Variants in KANSL1L observed in about 807,000 individuals in gnomAD.
KANSL1L encodes the protein KAT8 regulatory NSL complex subunit 1 like.
A neutral mutation model predicts 108.6 loss-of-function variants in KANSL1L; 25 were observed. The observed-to-expected ratio is 0.23, with a 90% confidence interval of 0.17 to 0.32. The LOEUF (loss-of-function observed/expected upper bound fraction) is 0.32, where lower values mean the gene tolerates loss of function less well. KANSL1L is among the 10% of genes least tolerant of loss of function. KANSL1L has a pLI of 1.00. For synonymous variants in KANSL1L, 405 were observed against 395.1 expected (o/e 1.03, Z -0.30); for missense variants, 1,137 against 1,125.7 (o/e 1.01, Z -0.14).
At chr2:210,034,062 A>G (rs1370207165) in intron 8 of KANSL1L, among the ~76,000 whole-genome samples, 1 of 152,074 alleles carries the variant, frequency 6.6e-6, no homozygotes, top group Non-Finnish European at 1.5e-5. Flanking sequence ...ACACTTTCAT[A>G]GCATTTCTCA....
At chr2:210,045,176 C>T (rs1293580100) in intron 6 of KANSL1L, among the ~76,000 whole-genome samples, 1 of 152,060 alleles carries the variant, frequency 6.6e-6, no homozygotes, top group East Asian at 1.9e-4. Flanking sequence ...AGTAACTGGA[C>T]TTGTTCACTT....
intron 2 of KANSL1L, among the ~76,000 whole-genome samples, chr2:210,147,727 A>G (rs2095275228): frequency 6.6e-6 from 1 of 152,214 alleles, no homozygotes; most frequent in Admixed American, 6.5e-5. Flanking sequence ...CAAACTCCAC[A>G]TTATACAAAT....
chr2:210,107,266 A>C (rs2094856140), intron 3 of KANSL1L, among the ~76,000 whole-genome samples: 1 of 152,028 alleles, frequency 6.6e-6, no homozygotes, highest in Non-Finnish European at 1.5e-5. Flanking sequence ...CACAAAAGGT[A>C]CAATTTAAAA....
At chr2:210,109,610 T>G (rs2094884990) in intron 3 of KANSL1L, among the ~76,000 whole-genome samples, 1 of 152,146 alleles carries the variant, frequency 6.6e-6, no homozygotes, top group South Asian at 2.1e-4. Context: ...AGAATATATG[T>G]CAGCTATTGG....
intron 7 of KANSL1L, 150 bp from the exon 8 acceptor site, chr2:210,040,677 A>T (rs1324182317): frequency 2.1e-6 from 1 of 485,282 alleles, no homozygotes; most frequent in Non-Finnish European, 3.7e-6. Flanking sequence ...AACTATCGGA[A>T]GTGACAAAAT....
rs2095321183 is a variant in KANSL1L, at chr2:210,154,254, T to C, written c.329A>G (p.Lys110Arg). Residue 110 changes from lysine to arginine, a missense_variant, in exon 2 of 15, where the codon AAA (lysine) becomes AGA (arginine). This residue lies in a region of KANSL1L where 556 missense variants were observed against 537.7 expected (regional missense o/e 1.03). Coordinates refer to ENST00000281772, the MANE Select transcript of KANSL1L (RefSeq NM_152519.4). Reference protein sequence around the residue: ...KLGEPSCNKLKNILYNGSNIQ... With the variant: ...KLGEPSCNKLRNILYNGSNIQ... ...GTTGCTGCCATTATACAGTATGTTT[T>C]TCAGCTTATTGCAACTGGGCTCCCC... The C allele has an allele frequency of 6.2e-7, 1 of 1,613,976 alleles. No individual in the cohort carries two copies. The highest frequency in any genetic ancestry group is 8.5e-7 in the Non-Finnish European group (1 of 1,180,002).
intron 3 of KANSL1L, among the ~76,000 whole-genome samples, chr2:210,118,490 A>C (rs1328493930): frequency 6.6e-6 from 1 of 150,930 alleles, no homozygotes; most frequent in Non-Finnish European, 1.5e-5. Flanking sequence ...AAAAAAAAAA[A>C]CAGAAGAAAA....
At position 210,109,787 on chromosome 2, in the gene KANSL1L, CTTGGTAATATAAATTTAAAATTTATA is replaced by C. The variant is rs1306114542; in HGVS notation, c.1231-5512_1231-5487del. Among the ~76,000 whole-genome samples the C allele has an allele frequency of 6.6e-5, 10 of 151,786 alleles. No individual in the cohort carries two copies. In the South Asian group the frequency reaches 2.1e-3, roughly 32 times the overall value. ...TGCTTCTTTCTTTTATATTACCTTC[CTTGGTAATATAAATTTAAAATTTATA>C]TTGGTAATATAAATATAAATATAAA... On this transcript the variant is annotated intron_variant, in intron 3 of 14. Coordinates refer to ENST00000281772, the MANE Select transcript of KANSL1L (RefSeq NM_152519.4).
rs534536542 is a variant in KANSL1L at position 210,148,141 on chromosome 2, A to AT, written c.1088+5353dup. On this transcript the variant is annotated intron_variant, in intron 2 of 14. Transcript: ENST00000281772. ...CTGACCAATTTAGGGAAATAGTGGG[A>AT]TTTTTTTTCCCCAACATTTGAAACA... Among the ~76,000 whole-genome samples the AT allele has an allele frequency of 2.2e-4, 34 of 152,052 alleles. 1 individual carries two copies. In the South Asian group the frequency reaches 5.0e-3, roughly 22 times the overall value.
At chr2:210,087,201 T>G (rs1411873633) in intron 5 of KANSL1L, among the ~76,000 whole-genome samples, 1 of 151,952 alleles carries the variant, frequency 6.6e-6, no homozygotes, top group African/African-American at 2.4e-5. Flanking sequence ...ACTTTTTTAA[T>G]TTTTGTAGAC....
At chr2:210,097,528 G>A (rs1055514643) in intron 5 of KANSL1L, 1 of 157,104 alleles carries the variant, frequency 6.4e-6, no homozygotes, top group Non-Finnish European at 1.4e-5. Context: ...AACAAATGCT[G>A]TTCCCAAAAA....
intron 4 of KANSL1L, among the ~76,000 whole-genome samples, chr2:210,099,004 C>A (rs866293901): frequency 2.6e-5 from 4 of 151,968 alleles, no homozygotes; most frequent in Non-Finnish European, 5.9e-5. Context: ...TTCATTACAC[C>A]TGTAATCCAC....
chr2:210,107,534 A>AT (rs71395572), intron 3 of KANSL1L, among the ~76,000 whole-genome samples: 40 of 117,614 alleles, frequency 3.4e-4, no homozygotes, highest in Admixed American at 5.4e-4. Flanking sequence ...ATATATATAT[A>AT]TTTTTTTTTT....
chr2:210,047,681 A>G (rs937846716), intron 6 of KANSL1L, among the ~76,000 whole-genome samples: 6 of 152,198 alleles, frequency 3.9e-5, no homozygotes, highest in Admixed American at 1.3e-4. Flanking sequence ...TATCAGAATC[A>G]CTTGAGTATC....
At chr2:210,137,226 C>G (rs1219832880) in intron 2 of KANSL1L, among the ~76,000 whole-genome samples, 1 of 152,144 alleles carries the variant, frequency 6.6e-6, no homozygotes, top group African/African-American at 2.4e-5. Flanking sequence ...AAAGCTTAGT[C>G]AACACAGAAA....
At chr2:210,161,370 T>C (rs1352335509) in intron 1 of KANSL1L, among the ~76,000 whole-genome samples, 1 of 151,546 alleles carries the variant, frequency 6.6e-6, no homozygotes, top group Non-Finnish European at 1.5e-5. Flanking sequence ...TAATTGGACA[T>C]CCATAGGGAA....
At chr2:210,134,614 TAG>T (rs780326191) in intron 2 of KANSL1L, among the ~76,000 whole-genome samples, 25 of 152,138 alleles carry the variant, frequency 1.6e-4, no homozygotes, top group Non-Finnish European at 3.1e-4. Flanking sequence ...AGAGCATGTG[TAG>T]AGTAGCCACT....
chr2:210,113,209 T>TA (rs1029365482), intron 3 of KANSL1L, among the ~76,000 whole-genome samples: 30 of 151,284 alleles, frequency 2.0e-4, no homozygotes, highest in African/African-American at 6.1e-4. Flanking sequence ...CAGCACCCTT[T>TA]AAAAAAAAAT....
intron 3 of KANSL1L, among the ~76,000 whole-genome samples, chr2:210,128,253 A>G (rs1443919587): frequency 2.0e-5 from 3 of 152,222 alleles, no homozygotes; most frequent in Non-Finnish European, 4.4e-5. Context: ...CAGCAATTCA[A>G]CTTGTGGGTG....
Sources: allele counts gnomAD v4.1 joint callset (sites outside exome capture counted in the v4.1 genomes callset), GRCh38; gene constraint gnomAD v4.1.1; regional missense constraint gnomAD v4.1.1; transcripts MANE v1.5; gene names NCBI Gene and HGNC (gene_info 2026-07-23, HGNC 2026-07-21).